The following DTNB variants were observed in gnomAD, a reference collection of about 807,000 sequenced individuals.
The protein encoded by DTNB is dystrobrevin beta.
DTNB carries 63 observed loss-of-function variants against 90.7 expected under a neutral mutation model. The ratio of observed to expected loss-of-function variants is 0.69; its 90% CI spans 0.57 to 0.86. The LOEUF (loss-of-function observed/expected upper bound fraction) is 0.86, where lower values mean the gene tolerates loss of function less well. Ranked by LOEUF, DTNB falls within the 40% of genes least tolerant of loss-of-function variation. DTNB has a pLI of 0.00. For synonymous variants in DTNB, 277 were observed against 286.7 expected, an observed-to-expected ratio of 0.97 and a Z score of 0.34; for missense variants, 744 against 807.1, an observed-to-expected ratio of 0.92 and a Z score of 0.95.
chr2:25,520,321 G>A (rs751611033), intron 9 of DTNB, among the ~76,000 whole-genome samples: 32 of 152,156 alleles, frequency 2.1e-4, no homozygotes, highest in Non-Finnish European at 3.1e-4. Context: ...GCAGTGAGCC[G>A]AGATTCTGCC....
intron 9 of DTNB, chr2:25,497,636 C>A (rs533289935): frequency 6.6e-6 from 1 of 152,172 alleles, no homozygotes; most frequent in Non-Finnish European, 1.5e-5. Context: ...GCAGCTTATA[C>A]GAGGGCAGTT....
chr2:25,606,637 T>G (rs999111456), intron 5 of DTNB, among the ~76,000 whole-genome samples: 1 of 152,160 alleles, frequency 6.6e-6, no homozygotes, highest in Non-Finnish European at 1.5e-5. Context: ...CAAAATTAAA[T>G]AGTTGTGAAT....
Position 25,576,197 on chromosome 2 carries a change from G to T in DTNB, c.876+641C>A, listed in dbSNP as rs116418493. On this transcript the variant is annotated intron_variant, in intron 8 of 20. Transcript: ENST00000406818. Reference sequence around the variant, plus strand: ...GAGCTCAAAAGAATAAGCATGGGGGGGCGGAATCCCCTTGAACAGTTTTGT... The same window carrying T: ...GAGCTCAAAAGAATAAGCATGGGGGTGCGGAATCCCCTTGAACAGTTTTGT... 5.8e-3 allele frequency among the ~76,000 whole-genome samples: 873 copies of T among 151,532 alleles called. 13 individuals carry two copies. The highest frequency in any genetic ancestry group is 0.02 in the African/African-American group (825 of 41,266).
At chr2:25,601,982 C>T (rs2065980524) in intron 5 of DTNB, among the ~76,000 whole-genome samples, 1 of 152,000 alleles carries the variant, frequency 6.6e-6, no homozygotes, top group Non-Finnish European at 1.5e-5. Context: ...ATTAGTCAGG[C>T]ATGGTGGCAC....
chr2:25,416,216 G>A (rs1171801824), intron 16 of DTNB, among the ~76,000 whole-genome samples: 2 of 152,192 alleles, frequency 1.3e-5, no homozygotes, highest in Non-Finnish European at 2.9e-5. Context: ...GTGTTATCTG[G>A]GTAGAAAGAG....
chr2:25,665,604 T>C (rs2084242074), intron 1 of DTNB, among the ~76,000 whole-genome samples: 1 of 151,590 alleles, frequency 6.6e-6, no homozygotes, highest in Admixed American at 6.6e-5. Context: ...CCAGCCTGGA[T>C]GACAGAGCAA....
intron 6 of DTNB, among the ~76,000 whole-genome samples, chr2:25,589,004 C>T (rs1361307180): frequency 1.3e-5 from 2 of 152,166 alleles, no homozygotes; most frequent in African/African-American, 4.8e-5. Context: ...GCAATGCTTG[C>T]CAAACTCTAT....
intron 12 of DTNB, among the ~76,000 whole-genome samples, chr2:25,434,554 G>A (rs376544606): frequency 1.5e-4 from 23 of 152,030 alleles, no homozygotes; most frequent in African/African-American, 3.6e-4. Flanking sequence ...ACATGCCACC[G>A]TGCCTGGCCT....
At chr2:25,665,612 C>G (rs1460938368) in intron 1 of DTNB, among the ~76,000 whole-genome samples, 1 of 150,488 alleles carries the variant, frequency 6.6e-6, no homozygotes, top group South Asian at 2.1e-4. Context: ...GATGACAGAG[C>G]AAGACTCCGT....
Position 25,668,244 on chromosome 2 carries a change from A to C in DTNB, c.-2+5142T>G, listed in dbSNP as rs145124546. Among the ~76,000 whole-genome samples, 1,050 of 152,322 alleles carry C rather than the reference A, an allele frequency of 6.9e-3. 10 individuals are homozygous for C. Among genetic ancestry groups the C allele is most frequent in the African/African-American group, 0.024 (994 of 41,560 alleles). On this transcript the variant is annotated intron_variant, in intron 1 of 20. Transcript: ENST00000406818. ...ACAGAGTGAGACTCAGTCTCAAAAA[A>C]TAAAAATAAAAAAAAGAAATGAGCT...
chr2:25,640,863 G>A (rs375325788), intron 2 of DTNB, among the ~76,000 whole-genome samples: 21 of 151,964 alleles, frequency 1.4e-4, no homozygotes, highest in African/African-American at 3.1e-4. Context: ...AAAATTAGCC[G>A]GGTGAGGTGG....
At chr2:25,529,763 T>G (rs2077803941) in intron 9 of DTNB, among the ~76,000 whole-genome samples, 1 of 152,212 alleles carries the variant, frequency 6.6e-6, no homozygotes, top group African/African-American at 2.4e-5. Flanking sequence ...TGCAGCACAC[T>G]ATGTGACTGT....
chr2:25,579,894 A>C (rs2061292371), intron 7 of DTNB, among the ~76,000 whole-genome samples: 1 of 152,114 alleles, frequency 6.6e-6, no homozygotes. Context: ...GGCTCAAACA[A>C]GAAACAATCA....
intron 15 of DTNB, 134 bp downstream of exon 15, chr2:25,427,401 A>C (rs956768893): frequency 6.2e-6 from 5 of 806,778 alleles, no homozygotes; most frequent in Admixed American, 3.4e-5. Flanking sequence ...ATTAGGCTAA[A>C]TTTATCTGAA....
intron 5 of DTNB, among the ~76,000 whole-genome samples, chr2:25,604,412 T>C (rs1460146065): frequency 1.3e-5 from 2 of 151,166 alleles, no homozygotes; most frequent in African/African-American, 4.9e-5. Context: ...TCTCTCTCTC[T>C]CTCTTTCTTT....
chr2:25,436,333 TG>T (rs1164342567), intron 12 of DTNB, among the ~76,000 whole-genome samples: 2 of 137,702 alleles, frequency 1.5e-5, no homozygotes, highest in African/African-American at 3.0e-5. Flanking sequence ...AGACTCCATC[TG>T]GGGAAAAAAG....
intron 19 of DTNB, among the ~76,000 whole-genome samples, chr2:25,382,245 T>A: frequency 6.6e-6 from 1 of 152,316 alleles, no homozygotes; most frequent in Non-Finnish European, 1.5e-5. Flanking sequence ...GTACTCTCTA[T>A]CTCATCACCC....
chr2:25,630,164 T>G (rs569455845), intron 3 of DTNB, among the ~76,000 whole-genome samples: 1 of 152,154 alleles, frequency 6.6e-6, no homozygotes, highest in Non-Finnish European at 1.5e-5. Flanking sequence ...TTTAGGGAAA[T>G]GCAAAAGAAA....
At chr2:25,631,146 T>C (rs1012163468) in intron 3 of DTNB, among the ~76,000 whole-genome samples, 3 of 152,128 alleles carry the variant, frequency 2.0e-5, no homozygotes, top group South Asian at 2.1e-4. Flanking sequence ...TTGTACGACT[T>C]TGTGGATATA....
Sources: allele counts gnomAD v4.1 joint callset (sites outside exome capture counted in the v4.1 genomes callset), GRCh38; gene constraint gnomAD v4.1.1; transcripts MANE v1.5; gene names NCBI Gene and HGNC (gene_info 2026-07-23, HGNC 2026-07-21).